Variants in RASGRP1 observed in about 807,000 individuals in gnomAD.
RASGRP1 encodes RAS guanyl-releasing protein 1.
RASGRP1 carries 37 observed loss-of-function variants against 95.1 expected under a neutral mutation model. The observed-to-expected ratio is 0.39, with a 90% CI of 0.30 to 0.51. The LOEUF is 0.51. Among genes scored for constraint, RASGRP1 ranks in the 20% least tolerant of loss-of-function variants. The probability of loss-of-function intolerance (pLI) is 0.80; values close to 1 mark genes in which losing one functional copy is unlikely to be tolerated. For synonymous variants in RASGRP1, 325 were observed against 353.4 expected, an observed-to-expected ratio of 0.92 and a Z score of 0.90; for missense variants, 711 against 965.4, an observed-to-expected ratio of 0.74 and a Z score of 3.49.
chr15:38,504,064 C>T (rs920097844), intron 10 of RASGRP1: 1 of 152,068 alleles, frequency 6.6e-6, no homozygotes, highest in African/African-American at 2.4e-5. Context: ...CATATCTAAA[C>T]ATAGAAAAGG....
chr15:38,511,841 C>T (rs1366593811), intron 7 of RASGRP1, 121 bp from the exon 8 acceptor site: 16 of 663,252 alleles, frequency 2.4e-5, no homozygotes, highest in Middle Eastern at 3.6e-4. Context: ...AGACTAGTTA[C>T]GAGGCATTGC....
intron 2 of RASGRP1, among the ~76,000 whole-genome samples, chr15:38,557,880 C>G (rs981266378): frequency 6.6e-6 from 1 of 151,980 alleles, no homozygotes; most frequent in Admixed American, 6.5e-5. Context: ...ATTGTCGTTG[C>G]CTTTGGAAGG....
chr15:38,519,363 T>A lies in RASGRP1; in HGVS notation c.335A>T (p.Asp112Val). 6.6e-7 allele frequency: 1 copy of A among 1,523,040 alleles called. No individual in the cohort carries two copies. The highest frequency in any genetic ancestry group is 2.3e-5 in the East Asian group (1 of 44,260). The allele number at this position is 1,523,040 out of a possible 1,614,324, so 94.3% of individuals were successfully genotyped here. A position where few individuals can be genotyped will look rare whatever the true frequency, so the allele number is the denominator to read the frequency against. Residue 112 changes from aspartate (D) to valine (V), a missense_variant, in exon 4 of 17, where the codon GAT becomes GTT. Transcript: ENST00000310803. Reference protein sequence around the residue: ...LLQKVITLYKDALAKNSPGLC... With the variant: ...LLQKVITLYKVALAKNSPGLC... ...TCCTGGTGAATTCTTTGCCAAAGCA[T>A]CCTTATAGGTAGGGCTGTGGTTAAG...
intron 13 of RASGRP1, among the ~76,000 whole-genome samples, chr15:38,500,899 C>A (rs545898725): frequency 6.6e-6 from 1 of 152,014 alleles, no homozygotes; most frequent in Admixed American, 6.6e-5. Flanking sequence ...AAAAGTATAT[C>A]CTAATTCAGC....
intron 15 of RASGRP1, among the ~76,000 whole-genome samples, chr15:38,495,420 A>G (rs778078268): frequency 1.2e-4 from 19 of 152,334 alleles, no homozygotes; most frequent in Middle Eastern, 3.4e-3. Context: ...AAGTAAGAGC[A>G]GATGTATTTG....
At chr15:38,555,821 C>T (rs1019550680) in intron 2 of RASGRP1, among the ~76,000 whole-genome samples, 31 of 152,178 alleles carry the variant, frequency 2.0e-4, no homozygotes, top group African/African-American at 7.5e-4. Flanking sequence ...TTTCTTCCCA[C>T]GTCTCACTGG....
intron 6 of RASGRP1, among the ~76,000 whole-genome samples, chr15:38,515,527 CTT>C (rs1293535907): frequency 6.6e-6 from 1 of 152,302 alleles, no homozygotes; most frequent in Non-Finnish European, 1.5e-5. Context: ...AACCTGTACT[CTT>C]TCTGTACCTG....
At chr15:38,526,785 G>T (rs887954556) in intron 2 of RASGRP1, among the ~76,000 whole-genome samples, 8 of 152,086 alleles carry the variant, frequency 5.3e-5, no homozygotes, top group Non-Finnish European at 7.4e-5. Flanking sequence ...AGAAAAGTTG[G>T]TTTTTAATAG....
rs939775876 is a variant in RASGRP1 at position 38,543,952 on chromosome 15, C to G, written c.220+15869G>C. ...CACATTTTCCTGCTTCTTTTTCTGT[C>G]TTATAATTTTTATTACATGCTGGGC... On this transcript the variant is annotated intron_variant, in intron 2 of 16. Transcript: ENST00000310803. Among the ~76,000 whole-genome samples the G allele has an allele frequency of 1.3e-5, 2 of 151,848 alleles. 1 individual carries two copies. Among genetic ancestry groups the G allele is most frequent in the South Asian group, 4.2e-4 (2 of 4,806 alleles).
At position 38,488,621 on chromosome 15, in the gene RASGRP1, T is replaced by TA; in HGVS notation, c.*1932dup. ...GACTGTGACACCTTTTGAATCCCTA[T>TA]AGATTATTTATATAAAAACTAACTG... On this transcript the variant is annotated 3_prime_UTR_variant, in exon 17 of 17. Coordinates refer to ENST00000310803, the MANE Select transcript of RASGRP1 (RefSeq NM_005739.4). The TA allele has an allele frequency of 6.6e-6, 1 of 151,988 alleles. No homozygotes were observed. Among genetic ancestry groups the TA allele is most frequent in the Non-Finnish European group, 1.5e-5 (1 of 67,876 alleles). 9.4% of individuals were successfully genotyped at this position (151,988 alleles called of 1,614,324 possible).
chr15:38,505,721 C>T, intron 10 of RASGRP1, 119 bp downstream of exon 10: 1 of 776,252 alleles, frequency 1.3e-6, no homozygotes, highest in Non-Finnish European at 2.2e-6. Flanking sequence ...AGGTTGAGCA[C>T]TAAGAAAAAC....
chr15:38,503,271 C>G lies in RASGRP1; in HGVS notation c.1428+1G>C. On this transcript the variant is annotated splice_donor_variant, in intron 11 of 16. Coordinates refer to ENST00000310803, the MANE Select transcript of RASGRP1 (RefSeq NM_005739.4). LOFTEE classifies it high-confidence loss of function. The stretch of plus-strand genomic sequence containing the variant: ...TGTGTGCTGAACACAGCTGTACTTA[C>G]ATCCACCATCCTCTGGACGTGTTTG... The G allele has an allele frequency of 1.9e-6, 3 of 1,602,376 alleles. No homozygotes were observed. Among genetic ancestry groups the G allele is most frequent in the Non-Finnish European group, 2.6e-6 (3 of 1,170,824 alleles).
At chr15:38,501,349 G>T (rs775280273) in intron 12 of RASGRP1, 62 bp from the exon 13 acceptor site, 44 of 1,572,684 alleles carry the variant, frequency 2.8e-5, no homozygotes, top group Middle Eastern at 3.3e-4. Flanking sequence ...GGTAGCAAGG[G>T]GGGGCTTCTA....
At chr15:38,544,346 A>G (rs563371808) in intron 2 of RASGRP1, among the ~76,000 whole-genome samples, 1 of 152,286 alleles carries the variant, frequency 6.6e-6, no homozygotes, top group East Asian at 1.9e-4. Context: ...CACTCCACAA[A>G]TGCCAGCCAT....
At chr15:38,557,794 T>C (rs545945017) in intron 2 of RASGRP1, among the ~76,000 whole-genome samples, 1 of 152,286 alleles carries the variant, frequency 6.6e-6, no homozygotes, top group East Asian at 1.9e-4. Flanking sequence ...AAAAGACTAT[T>C]AGACTCAACG....
At chr15:38,505,150 C>G (rs1303378883) in intron 10 of RASGRP1, among the ~76,000 whole-genome samples, 1 of 152,168 alleles carries the variant, frequency 6.6e-6, no homozygotes, top group African/African-American at 2.4e-5. Flanking sequence ...GTGTGGGCAA[C>G]TCTCTTCCCT....
At chr15:38,556,450 G>T (rs1893555461) in intron 2 of RASGRP1, among the ~76,000 whole-genome samples, 1 of 152,252 alleles carries the variant, frequency 6.6e-6, no homozygotes, top group Admixed American at 6.5e-5. Context: ...ATAGCCATCA[G>T]TGAGACTTCT....
At chr15:38,541,864 C>A (rs149057691) in intron 2 of RASGRP1, among the ~76,000 whole-genome samples, 1 of 152,066 alleles carries the variant, frequency 6.6e-6, no homozygotes, top group Admixed American at 6.6e-5. Context: ...GAGGTAAACA[C>A]GGGCAGTTCA....
intron 2 of RASGRP1, among the ~76,000 whole-genome samples, chr15:38,529,397 A>G (rs1411732353): frequency 6.6e-6 from 1 of 152,092 alleles, no homozygotes; most frequent in Admixed American, 6.6e-5. Flanking sequence ...TTGTACCTCA[A>G]ACACTCCCAG....
Sources: gnomAD v4.1 joint callset for allele counts (sites outside exome capture counted in the v4.1 genomes callset) on GRCh38, gnomAD v4.1.1 for gene constraint, MANE v1.5 for transcripts, NCBI Gene and HGNC (gene_info 2026-07-23, HGNC 2026-07-21) for gene names.